The following PTPRR variants were observed in gnomAD, a reference collection of about 807,000 sequenced individuals.
PTPRR encodes the protein receptor-type tyrosine-protein phosphatase R.
A neutral mutation model predicts 77.2 loss-of-function variants in PTPRR; 38 were observed. That is an observed-to-expected ratio of 0.49 (90% confidence interval 0.38 to 0.65). The LOEUF is 0.65. PTPRR is among the 30% of genes least tolerant of loss of function. The probability of loss-of-function intolerance (pLI) is 0.00; values close to 1 mark genes in which losing one functional copy is unlikely to be tolerated. For missense variants in PTPRR, 744 were observed against 799.2 expected (o/e 0.93, Z 0.83); for synonymous variants, 299 against 283.1 (o/e 1.06, Z -0.57).
At chr12:70,897,452 G>T (rs1441959986) in intron 1 of PTPRR, among the ~76,000 whole-genome samples, 1 of 151,836 alleles carries the variant, frequency 6.6e-6, no homozygotes, top group Non-Finnish European at 1.5e-5. Flanking sequence ...AAACCACAAT[G>T]AGATACCATC....
At chr12:70,746,161 C>A (rs1255084716) in intron 5 of PTPRR, 75 bp from the exon 6 acceptor site, 33 of 1,390,456 alleles carry the variant, frequency 2.4e-5, no homozygotes, top group Non-Finnish European at 3.2e-5. Context: ...TCCACCCCAC[C>A]CTGGCCGACA....
intron 6 of PTPRR, among the ~76,000 whole-genome samples, chr12:70,715,559 A>T (rs1000422659): frequency 6.6e-6 from 1 of 152,226 alleles, no homozygotes; most frequent in Non-Finnish European, 1.5e-5. Flanking sequence ...TCTACAGACC[A>T]TAACAGATGG....
chr12:70,672,211 C>T, intron 10 of PTPRR: 1 of 1,577,286 alleles, frequency 6.3e-7, no homozygotes, highest in Non-Finnish European at 8.7e-7. Flanking sequence ...AAGTGACCTC[C>T]CTGGCTCCAG....
In PTPRR at chr12:70,639,077, C is replaced by G; in HGVS notation, c.*107G>C. The G allele has an allele frequency of 2.2e-6, 2 of 912,506 alleles. No homozygotes were observed. The highest frequency in any genetic ancestry group is 4.9e-5 in the East Asian group (2 of 41,128). 56.5% of individuals were successfully genotyped at this position (912,506 alleles called of 1,614,324 possible). On this transcript the variant is annotated 3_prime_UTR_variant, in exon 14 of 14. Coordinates refer to ENST00000283228, the MANE Select transcript of PTPRR (RefSeq NM_002849.4). The stretch of plus-strand genomic sequence containing the variant: ...CACAATCCATGCCATACATGGGCTT[C>G]AGAGCTTCTCCTTCCTTCCATTGCA...
intron 2 of PTPRR, among the ~76,000 whole-genome samples, chr12:70,801,774 T>A (rs566789534): frequency 1.3e-5 from 2 of 148,480 alleles, no homozygotes; most frequent in East Asian, 3.9e-4. Context: ...TAGCTATCTA[T>A]CTCCCTCCCT....
intron 10 of PTPRR, among the ~76,000 whole-genome samples, chr12:70,669,220 T>C (rs1346742781): frequency 3.3e-5 from 5 of 152,070 alleles, no homozygotes; most frequent in Non-Finnish European, 5.9e-5. Flanking sequence ...GTACCCTTAT[T>C]TCTAACTGCT....
In PTPRR at chr12:70,920,557, C is replaced by T. The variant is rs746491683; in HGVS notation, c.-167G>A. 7.5e-5 allele frequency: 47 copies of T among 628,356 alleles called. No homozygotes were observed. Among genetic ancestry groups the T allele is most frequent in the Non-Finnish European group, 1.3e-4 (45 of 350,786 alleles). 38.9% of individuals were successfully genotyped at this position (628,356 alleles called of 1,614,324 possible). On this transcript the variant is annotated 5_prime_UTR_variant, in exon 1 of 14. Transcript: ENST00000283228. The stretch of plus-strand genomic sequence containing the variant: ...TGGCGCCGACAGAAACCAGCACCAG[C>T]TTCAACCTCCCTAAGAGAGGGAGAG...
intron 5 of PTPRR, among the ~76,000 whole-genome samples, chr12:70,753,202 G>T (rs1890456843): frequency 6.6e-6 from 1 of 152,132 alleles, no homozygotes; most frequent in South Asian, 2.1e-4. Context: ...CATGCAGCCT[G>T]TCTTTCCAGA....
At chr12:70,834,962 A>G (rs1292419814) in intron 2 of PTPRR, among the ~76,000 whole-genome samples, 1 of 152,098 alleles carries the variant, frequency 6.6e-6, no homozygotes. Context: ...ACTTACAATC[A>G]AAGACTTGGG....
chr12:70,721,835 G>T (rs1889266308), intron 6 of PTPRR, among the ~76,000 whole-genome samples: 1 of 152,140 alleles, frequency 6.6e-6, no homozygotes, highest in Admixed American at 6.6e-5. Flanking sequence ...ATCGTTGGGA[G>T]GATAGTTGGA....
intron 2 of PTPRR, among the ~76,000 whole-genome samples, chr12:70,811,469 C>A (rs902494435): frequency 1.3e-5 from 2 of 152,134 alleles, no homozygotes; most frequent in African/African-American, 2.4e-5. Flanking sequence ...GGTTCAAAAG[C>A]AAATGCTATA....
At chr12:70,813,382 G>A (rs557635229) in intron 2 of PTPRR, among the ~76,000 whole-genome samples, 5 of 149,950 alleles carry the variant, frequency 3.3e-5, no homozygotes, top group South Asian at 2.1e-4. Context: ...GCATCTCAAC[G>A]TGGATATTTT....
intron 7 of PTPRR, 45 bp from the exon 8 acceptor site, chr12:70,698,394 C>G (rs371354044): frequency 3.3e-6 from 5 of 1,525,430 alleles, no homozygotes; most frequent in Non-Finnish European, 3.6e-6. Flanking sequence ...AATACTGCCA[C>G]AAAGAAAATC....
intron 11 of PTPRR, among the ~76,000 whole-genome samples, chr12:70,661,789 C>T (rs143347520): frequency 3.5e-4 from 53 of 152,292 alleles, no homozygotes; most frequent in Non-Finnish European, 6.2e-4. Flanking sequence ...TTTTGGTAAA[C>T]GCCTTCCTAT....
intron 6 of PTPRR, among the ~76,000 whole-genome samples, chr12:70,707,633 A>G (rs1043990047): frequency 6.6e-6 from 1 of 152,084 alleles, no homozygotes; most frequent in Non-Finnish European, 1.5e-5. Flanking sequence ...TTCCCTAATT[A>G]CTTTTCAGTC....
intron 6 of PTPRR, among the ~76,000 whole-genome samples, chr12:70,723,053 G>A (rs1889314533): frequency 6.6e-6 from 1 of 152,160 alleles, no homozygotes; most frequent in Non-Finnish European, 1.5e-5. Context: ...TCTGCCAGAT[G>A]TCGACCACTG....
chr12:70,887,278 C>T (rs548217568), intron 2 of PTPRR, among the ~76,000 whole-genome samples: 4 of 151,976 alleles, frequency 2.6e-5, no homozygotes, highest in South Asian at 2.1e-4. Context: ...GGTGAAACCC[C>T]GCCTCTACTA....
At chr12:70,879,977 A>G (rs747261283) in intron 2 of PTPRR, among the ~76,000 whole-genome samples, 3 of 152,192 alleles carry the variant, frequency 2.0e-5, no homozygotes, top group Admixed American at 6.5e-5. Flanking sequence ...GTAAACCACA[A>G]TTTTGGCCCT....
intron 3 of PTPRR, among the ~76,000 whole-genome samples, chr12:70,763,334 TGTTG>T (rs1890736549): frequency 6.6e-6 from 1 of 152,130 alleles, no homozygotes; most frequent in Admixed American, 6.6e-5. Flanking sequence ...GGTTTTACCA[TGTTG>T]GCCAGGCTGG....
Sources: gnomAD v4.1 joint callset for allele counts (sites outside exome capture counted in the v4.1 genomes callset) on GRCh38, gnomAD v4.1.1 for gene constraint, MANE v1.5 for transcripts, NCBI Gene and HGNC (gene_info 2026-07-23, HGNC 2026-07-21) for gene names.